ENTREP1: variants seen among roughly 807,000 people sequenced by gnomAD.
The protein encoded by ENTREP1 is endosomal transmembrane epsin interactor 1, also known as Friedreich ataxia region gene X123.
At chr9:69,328,224 C>T in the ENTREP1 span, among the ~76,000 whole-genome samples, 1 of 152,110 alleles carries the variant, frequency 6.6e-6, no homozygotes, top group Non-Finnish European at 1.5e-5. Flanking sequence ...GAATTAGATC[C>T]TTCGTGCTCC....
the ENTREP1 span, among the ~76,000 whole-genome samples, chr9:69,346,624 G>A: frequency 6.6e-6 from 1 of 152,006 alleles, no homozygotes; most frequent in African/African-American, 2.4e-5. Context: ...TTGCTCTTAA[G>A]CTATATTATA....
chr9:69,388,551 GTCACA>G, the ENTREP1 span: 2 of 909,384 alleles, frequency 2.2e-6, no homozygotes, highest in Non-Finnish European at 3.2e-6. Flanking sequence ...TAAGTTCATG[GTCACA>G]GTCTTCAGGG....
chr9:69,367,280 C>T, the ENTREP1 span, among the ~76,000 whole-genome samples: 2 of 151,466 alleles, frequency 1.3e-5, no homozygotes, highest in Non-Finnish European at 2.9e-5. Flanking sequence ...TTACTATAAC[C>T]TTTGAAGTCA....
the ENTREP1 span, chr9:69,336,114 T>C: frequency 3.4e-6 from 2 of 594,750 alleles, no homozygotes; most frequent in African/African-American, 3.8e-5. Flanking sequence ...TAGAATGCTT[T>C]GAAATTTCAG....
At chr9:69,347,687 G>T in the ENTREP1 span, among the ~76,000 whole-genome samples, 3 of 152,188 alleles carry the variant, frequency 2.0e-5, no homozygotes, top group Non-Finnish European at 4.4e-5. Flanking sequence ...GATCAGACAA[G>T]TCATGGTCCT....
the ENTREP1 span, among the ~76,000 whole-genome samples, chr9:69,367,907 A>C: frequency 7.0e-6 from 1 of 143,692 alleles, no homozygotes; most frequent in African/African-American, 2.6e-5. Context: ...ACATATATAC[A>C]TATACACACA....
At chr9:69,356,523 T>C in the ENTREP1 span, among the ~76,000 whole-genome samples, 1 of 152,022 alleles carries the variant, frequency 6.6e-6, no homozygotes, top group Admixed American at 6.6e-5. Context: ...CTGCTGAACC[T>C]TGAGAAGCTA....
the ENTREP1 span, among the ~76,000 whole-genome samples, chr9:69,326,154 A>G: frequency 2.6e-5 from 4 of 152,148 alleles, no homozygotes; most frequent in African/African-American, 4.8e-5. Flanking sequence ...CCTGGCACAT[A>G]GTAGGTGTAT....
chr9:69,386,199 A>G, the ENTREP1 span: 3 of 316,808 alleles, frequency 9.5e-6, no homozygotes, highest in South Asian at 1.3e-4. Context: ...TTGGTTGTAC[A>G]TGATACTATG....
chr9:69,360,371 A>G, the ENTREP1 span, among the ~76,000 whole-genome samples: 3 of 152,104 alleles, frequency 2.0e-5, no homozygotes, highest in Non-Finnish European at 4.4e-5. Context: ...CTGCCCCAAC[A>G]CGTACTTTTA....
chr9:69,386,667 T>A, the ENTREP1 span: 1 of 152,184 alleles, frequency 6.6e-6, no homozygotes, highest in Non-Finnish European at 1.5e-5. Flanking sequence ...ACCTCTGCTG[T>A]TCTAAAACAC....
At chr9:69,350,697 A>G in the ENTREP1 span, among the ~76,000 whole-genome samples, 6,312 of 152,232 alleles carry the variant, frequency 0.041, 161 homozygotes, top group African/African-American at 0.065. Context: ...GAATACCTTG[A>G]TGTATCTTTG....
chr9:69,346,971 A>G, the ENTREP1 span, among the ~76,000 whole-genome samples: 1 of 152,210 alleles, frequency 6.6e-6, no homozygotes, highest in Admixed American at 6.5e-5. Flanking sequence ...GGAGAATATG[A>G]TAGATTCTTT....
At chr9:69,361,422 A>G in the ENTREP1 span, among the ~76,000 whole-genome samples, 1 of 152,148 alleles carries the variant, frequency 6.6e-6, no homozygotes, top group Non-Finnish European at 1.5e-5. Context: ...TTCAGTTAAT[A>G]TAAGGTTTCT....
At chr9:69,370,413 T>C in the ENTREP1 span, among the ~76,000 whole-genome samples, 1 of 152,178 alleles carries the variant, frequency 6.6e-6, no homozygotes, top group African/African-American at 2.4e-5. Context: ...AGAGGGGACA[T>C]ATTCTATATG....
At chr9:69,377,449 A>G in the ENTREP1 span, 13 of 1,613,940 alleles carry the variant, frequency 8.1e-6, no homozygotes, top group South Asian at 1.1e-5. Context: ...CGCTACCTCC[A>G]GATATTCGCA....
the ENTREP1 span, among the ~76,000 whole-genome samples, chr9:69,364,109 A>G: frequency 6.6e-6 from 1 of 152,234 alleles, no homozygotes; most frequent in Non-Finnish European, 1.5e-5. Flanking sequence ...CTTTACAATA[A>G]CAAGCTGCTC....
the ENTREP1 span, among the ~76,000 whole-genome samples, chr9:69,338,253 C>T: frequency 6.6e-6 from 1 of 152,148 alleles, no homozygotes; most frequent in African/African-American, 2.4e-5. Context: ...CACAATGACT[C>T]TCTAGGTTTA....
At chr9:69,345,508 C>A in the ENTREP1 span, among the ~76,000 whole-genome samples, 1 of 152,130 alleles carries the variant, frequency 6.6e-6, no homozygotes, top group Non-Finnish European at 1.5e-5. Flanking sequence ...CTCAAACACA[C>A]CACAGTGATA....
Sources: gnomAD v4.1 joint callset for allele counts (sites outside exome capture counted in the v4.1 genomes callset) on GRCh38, gnomAD v4.1.1 for gene constraint, MANE v1.5 for transcripts, NCBI Gene and HGNC (gene_info 2026-07-23, HGNC 2026-07-21) for gene names.